Variants in GRM8 observed in about 807,000 individuals in gnomAD.
The protein encoded by GRM8 is metabotropic glutamate receptor 8.
A neutral mutation model predicts 87.2 loss-of-function variants in GRM8; 47 were observed. The ratio of observed to expected loss-of-function variants is 0.54; its 90% CI spans 0.43 to 0.69. The LOEUF (loss-of-function observed/expected upper bound fraction) is 0.69. Among genes scored for constraint, GRM8 ranks in the 30% least tolerant of loss-of-function variants. The pLI is 0.00. For missense variants in GRM8, 1,019 were observed against 1,139.2 expected (o/e 0.89, Z 1.52); for synonymous variants, 396 against 404.5 (o/e 0.98, Z 0.25).
chr7:126,846,270 A>G (rs1475990814), intron 6 of GRM8, among the ~76,000 whole-genome samples: 8 of 152,224 alleles, frequency 5.3e-5, no homozygotes, highest in Non-Finnish European at 1.2e-4. Flanking sequence ...TCACTCAAAA[A>G]TGTGACTACA....
intron 6 of GRM8, among the ~76,000 whole-genome samples, chr7:126,894,646 AG>A (rs1390553257): frequency 6.6e-6 from 1 of 152,052 alleles, no homozygotes; most frequent in Non-Finnish European, 1.5e-5. Context: ...GTTCACAAAG[AG>A]GGAATACTTC....
chr7:126,619,800 C>T (rs1363956852), intron 7 of GRM8, among the ~76,000 whole-genome samples: 1 of 152,074 alleles, frequency 6.6e-6, no homozygotes, highest in African/African-American at 2.4e-5. Flanking sequence ...GAGGGATCCT[C>T]CAACCTTGGC....
At chr7:126,662,617 T>G (rs933241723) in intron 7 of GRM8, among the ~76,000 whole-genome samples, 4 of 152,264 alleles carry the variant, frequency 2.6e-5, no homozygotes, top group African/African-American at 9.6e-5. Context: ...TTTGTGCAAA[T>G]CATAGAAGGA....
intron 7 of GRM8, among the ~76,000 whole-genome samples, chr7:126,611,368 G>C (rs1200220034): frequency 6.6e-6 from 1 of 152,168 alleles, no homozygotes; most frequent in African/African-American, 2.4e-5. Context: ...CACTTGTCAA[G>C]TGCTTAGAAC....
intron 2 of GRM8, among the ~76,000 whole-genome samples, chr7:127,209,224 G>A (rs1198224633): frequency 6.6e-6 from 1 of 152,162 alleles, no homozygotes; most frequent in African/African-American, 2.4e-5. Context: ...AATCCATCTG[G>A]AAACTGCACT....
intron 3 of GRM8, among the ~76,000 whole-genome samples, chr7:126,911,411 C>T (rs1358555937): frequency 6.6e-6 from 1 of 152,028 alleles, no homozygotes; most frequent in Non-Finnish European, 1.5e-5. Context: ...GCTCCAATAT[C>T]TGAGTTGAAA....
At position 126,700,580 on chromosome 7, in the gene GRM8, GT is replaced by G. The variant is rs573519466; in HGVS notation, c.1357+69284del. On this transcript the variant is annotated intron_variant, in intron 7 of 10. Coordinates refer to ENST00000339582, the MANE Select transcript of GRM8 (RefSeq NM_000845.3). The stretch of plus-strand genomic sequence containing the variant: ...ATGTTATTATAATCTGTATTTTAAA[GT>G]TTAATATTTTGAAAGAAATAAATTA... Among the ~76,000 whole-genome samples the G allele has an allele frequency of 3.3e-5, 5 of 151,992 alleles. No individual in the cohort carries two copies. The South Asian group carries it at 1.0e-3, about 32-fold the overall frequency.
intron 7 of GRM8, among the ~76,000 whole-genome samples, chr7:126,623,523 AAAC>A (rs1239581919): frequency 6.6e-6 from 1 of 152,160 alleles, no homozygotes; most frequent in Non-Finnish European, 1.5e-5. Context: ...GACCAGATTA[AAAC>A]AACACAGGTC....
At chr7:126,856,650 T>A (rs1386819431) in intron 6 of GRM8, among the ~76,000 whole-genome samples, 2 of 152,182 alleles carry the variant, frequency 1.3e-5, no homozygotes, top group Admixed American at 6.5e-5. Context: ...CTAATTCACT[T>A]GGGGGAGACT....
chr7:126,780,034 T>C lies in GRM8; in HGVS notation c.1157-9969A>G, dbSNP rs112327148. ...AATAAATGAACATCACTATTTGATA[T>C]GTGAGGCTATAAAATACTTAACCTT... On this transcript the variant is annotated intron_variant, in intron 6 of 10. Coordinates refer to ENST00000339582, the MANE Select transcript of GRM8 (RefSeq NM_000845.3). Among the ~76,000 whole-genome samples the C allele has an allele frequency of 8.6e-3, 1,306 of 152,354 alleles. 10 individuals carry two copies. The highest frequency in any genetic ancestry group is 0.029 in the African/African-American group (1,216 of 41,590).
rs1445473004 is a variant in GRM8, at chr7:126,887,040, G to A, written c.1156+15502C>T. 3.3e-5 allele frequency among the ~76,000 whole-genome samples: 5 copies of A among 152,184 alleles called. No individual in the cohort carries two copies. The South Asian group carries it at 1.0e-3, about 32-fold the overall frequency. ...CGTGGATAAGGGCCAGGTGGACTAA[G>A]GAAGAGGTAATCTATCTGGGTGTCT... On this transcript the variant is annotated intron_variant, in intron 6 of 10. Transcript: ENST00000339582.
intron 6 of GRM8, among the ~76,000 whole-genome samples, chr7:126,841,534 CAT>C (rs1796267830): frequency 6.6e-6 from 1 of 151,990 alleles, no homozygotes; most frequent in Admixed American, 6.6e-5. Flanking sequence ...CTAAATGTAA[CAT>C]AGATCCCAAG....
At chr7:126,724,377 G>A (rs1392698778) in intron 7 of GRM8, among the ~76,000 whole-genome samples, 1 of 152,088 alleles carries the variant, frequency 6.6e-6, no homozygotes, top group African/African-American at 2.4e-5. Flanking sequence ...CAATTGACTA[G>A]TGAGGTGCAA....
chr7:126,732,395 T>C (rs1036095978), intron 7 of GRM8, among the ~76,000 whole-genome samples: 2 of 152,146 alleles, frequency 1.3e-5, no homozygotes, highest in Non-Finnish European at 2.9e-5. Flanking sequence ...AATTAACACA[T>C]TCTTTTTATT....
At chr7:127,194,693 CTGATTGTA>C (rs1795193417) in intron 2 of GRM8, among the ~76,000 whole-genome samples, 2 of 152,134 alleles carry the variant, frequency 1.3e-5, no homozygotes, top group African/African-American at 4.8e-5. Flanking sequence ...TCCTGATGGA[CTGATTGTA>C]TGGGGGACAT....
chr7:127,047,235 G>C (rs1211161440), intron 3 of GRM8, among the ~76,000 whole-genome samples: 1 of 152,142 alleles, frequency 6.6e-6, no homozygotes, highest in African/African-American at 2.4e-5. Flanking sequence ...AGTTGATACA[G>C]AAACCATATG....
rs992815073 is a variant in GRM8, at chr7:126,957,145, G to A, written c.728-52462C>T. Reference sequence around the variant, plus strand: ...AATGTATCTACTACATTGATGTAGAGGGAGCTTGTGCCTGGAAGGTAAGGA... The same window carrying A: ...AATGTATCTACTACATTGATGTAGAAGGAGCTTGTGCCTGGAAGGTAAGGA... On this transcript the variant is annotated intron_variant, in intron 3 of 10. Transcript: ENST00000339582. Among the ~76,000 whole-genome samples the A allele has an allele frequency of 5.9e-5, 9 of 152,100 alleles. 1 individual carries two copies. The highest frequency in any genetic ancestry group is 5.2e-4 in the Admixed American group (8 of 15,266).
At chr7:126,618,061 A>T (rs1263499762) in intron 7 of GRM8, among the ~76,000 whole-genome samples, 1 of 152,218 alleles carries the variant, frequency 6.6e-6, no homozygotes, top group Non-Finnish European at 1.5e-5. Context: ...TAGAGCCCTC[A>T]TTGCCAAGAC....
chr7:126,519,136 G>T (rs1812594867), intron 9 of GRM8, among the ~76,000 whole-genome samples: 1 of 152,034 alleles, frequency 6.6e-6, no homozygotes, highest in African/African-American at 2.4e-5. Context: ...CAAGAAGTGA[G>T]AGTTGGGAAG....
Sources: gnomAD v4.1 joint callset for allele counts (sites outside exome capture counted in the v4.1 genomes callset) on GRCh38, gnomAD v4.1.1 for gene constraint, MANE v1.5 for transcripts, NCBI Gene and HGNC (gene_info 2026-07-23, HGNC 2026-07-21) for gene names.